Variants in EXD3 observed in about 807,000 individuals in gnomAD.
EXD3 encodes the protein exonuclease mut-7 homolog.
Under a neutral mutation model 98.0 loss-of-function variants are expected in EXD3, and 92 were observed. The ratio of observed to expected loss-of-function variants is 0.94; its 90% CI spans 0.79 to 1.12. The LOEUF is 1.12. Ranked by LOEUF, EXD3 falls within the 50% of genes most tolerant of loss-of-function variation. EXD3 has a pLI of 0.00. For synonymous variants in EXD3, 569 were observed against 526.0 expected, an observed-to-expected ratio of 1.08 and a Z score of -1.12; for missense variants, 1,222 against 1,191.6, an observed-to-expected ratio of 1.03 and a Z score of -0.38.
In EXD3 at chr9:137,407,750, G is replaced by C. The variant is rs1020313035; in HGVS notation, c.-47-12346C>G. ...CCAGCTGGAGTGGGAGAAGTGCCCA[G>C]TGCTTCCGTCACTGGAGCCCACGGG... On this transcript the variant is annotated intron_variant, in intron 1 of 21. Coordinates refer to ENST00000340951, the MANE Select transcript of EXD3 (RefSeq NM_017820.5). The surrounding 1 kb of genome is among the most constrained non-coding windows in gnomAD (Gnocchi z 4.4). Among the ~76,000 whole-genome samples the C allele has an allele frequency of 1.3e-5, 2 of 152,174 alleles. No homozygotes were observed. The highest frequency in any genetic ancestry group is 2.9e-5 in the Non-Finnish European group (2 of 68,024).
intron 2 of EXD3, among the ~76,000 whole-genome samples, chr9:137,394,725 C>T (rs969605836): frequency 4.6e-5 from 7 of 152,318 alleles, no homozygotes; most frequent in Middle Eastern, 3.4e-3. Flanking sequence ...GCGGCCTCCC[C>T]GGCTTTGCCC....
At chr9:137,400,515 C>T (rs993423601) in intron 1 of EXD3, among the ~76,000 whole-genome samples, 1 of 152,168 alleles carries the variant, frequency 6.6e-6, no homozygotes, top group African/African-American at 2.4e-5. Context: ...CTTATAATCC[C>T]AGCACTTTGG....
chr9:137,332,519 G>A (rs1175579781), intron 17 of EXD3, among the ~76,000 whole-genome samples: 1 of 151,056 alleles, frequency 6.6e-6, no homozygotes, highest in East Asian at 1.9e-4. Context: ...CCTGGGAGGC[G>A]GAGGTTCCAG....
chr9:137,385,813 C>T lies in EXD3; in HGVS notation c.56-2436G>A, dbSNP rs888977404. Among the ~76,000 whole-genome samples the T allele has an allele frequency of 6.6e-5, 10 of 152,022 alleles. No homozygotes were observed. The highest frequency in any genetic ancestry group is 9.7e-5 in the African/African-American group (4 of 41,404). On this transcript the variant is annotated intron_variant, in intron 2 of 21. Transcript: ENST00000340951. This position sits in a 1 kb window ranked among gnomAD's most constrained non-coding sequence, Gnocchi z 4.4. ...CCTCCCAAAGTGCTGGGATGACAGG[C>T]GTGAGCCACCGCGCCCAGCCCAGAT... is the stretch of plus-strand genomic sequence containing the variant.
At chr9:137,327,424 C>G (rs549168076) in intron 17 of EXD3, among the ~76,000 whole-genome samples, 1 of 152,106 alleles carries the variant, frequency 6.6e-6, no homozygotes, top group Admixed American at 6.5e-5. Context: ...TGAGCCACCG[C>G]GCCCGGCCAG....
At position 137,324,253 on chromosome 9, in the gene EXD3, C is replaced by T. The variant is rs1434712846; in HGVS notation, c.1999-110G>A. 2.4e-5 allele frequency: 22 copies of T among 923,448 alleles called. No individual in the cohort carries two copies. Among genetic ancestry groups the T allele is most frequent in the Middle Eastern group, 2.9e-4 (1 of 3,460 alleles). 57.2% of individuals were successfully genotyped at this position (923,448 alleles called of 1,614,324 possible). A position where few individuals can be genotyped will look rare whatever the true frequency, so the allele number is the denominator to read the frequency against. ...CCCGGATCGTGGCCCTGCCCCAGGC[C>T]CCTTTTGTCCTCCAGGGTGGCCTCT... On this transcript the variant is annotated intron_variant, in intron 17 of 21. Transcript: ENST00000340951. This position sits in a 1 kb window ranked among gnomAD's most constrained non-coding sequence, Gnocchi z 4.1.
rs2131678697 is a variant in EXD3, at chr9:137,371,981, G to A, written c.462+924C>T. On this transcript the variant is annotated intron_variant, in intron 5 of 21. Transcript: ENST00000340951. The surrounding 1 kb of genome is among the most constrained non-coding windows in gnomAD (Gnocchi z 8.0). ...CCACACAAACCCAAGTCACAGCTTG[G>A]CCAGGCTCAGGACGACGGGGCTGTG... is the stretch of plus-strand genomic sequence containing the variant. 6.6e-6 allele frequency among the ~76,000 whole-genome samples: 1 copy of A among 152,244 alleles called. No homozygotes were observed. Among genetic ancestry groups the A allele is most frequent in the East Asian group, 1.9e-4 (1 of 5,170 alleles).
chr9:137,332,569 C>T (rs535445254), intron 17 of EXD3, among the ~76,000 whole-genome samples: 10 of 149,838 alleles, frequency 6.7e-5, no homozygotes, highest in Middle Eastern at 3.5e-3. Context: ...ATTGGCCAGG[C>T]GCAGTGGCTC....
intron 17 of EXD3, among the ~76,000 whole-genome samples, chr9:137,326,940 C>T (rs570377775): frequency 5.3e-5 from 8 of 152,022 alleles, no homozygotes; most frequent in Non-Finnish European, 1.2e-4. Flanking sequence ...AAAGGAAGGA[C>T]GTTCCGACAC....
chr9:137,336,195 A>G (rs1403361130), intron 17 of EXD3, among the ~76,000 whole-genome samples: 1 of 152,184 alleles, frequency 6.6e-6, no homozygotes, highest in Non-Finnish European at 1.5e-5. Context: ...GGTACAATAT[A>G]TACCATTTGG....
intron 1 of EXD3, among the ~76,000 whole-genome samples, chr9:137,419,992 T>C (rs985955549): frequency 2.0e-5 from 3 of 151,968 alleles, no homozygotes; most frequent in South Asian, 2.1e-4. Flanking sequence ...ACCCCATCTC[T>C]ACTAAAAATA....
At chr9:137,396,784 C>T (rs747184614) in intron 1 of EXD3, among the ~76,000 whole-genome samples, 22 of 152,250 alleles carry the variant, frequency 1.4e-4, no homozygotes, top group East Asian at 3.8e-4. Context: ...CCTGCTCCAC[C>T]GTCGGGGAGG....
In EXD3 at chr9:137,373,594, C is replaced by T. The variant is rs7389250; in HGVS notation, c.126G>A (p.Arg42=). ...LWSTRERKQL[R]EEAWRGFAAL... is the part of the protein sequence containing the mutation. ...CAGCAAACCCCCGCCAGGCTTCCTC[C>T]CGGAGCTGTGGAGACACAAAACCAC... Residue 42 remains arginine, a synonymous_variant, in exon 4 of 22, where the codon CGG becomes CGA. Transcript: ENST00000340951. 0.068 allele frequency: 109,435 copies of T among 1,598,338 alleles called. 4,131 individuals carry two copies. Among genetic ancestry groups the T allele is most frequent in the Middle Eastern group, 0.16 (985 of 6,040 alleles).
intron 2 of EXD3, among the ~76,000 whole-genome samples, chr9:137,391,585 C>A (rs146883454): frequency 0.016 from 2,481 of 150,536 alleles, 37 homozygotes; most frequent in Admixed American, 0.041. Context: ...CACCGCCCGC[C>A]GGCCCTGGTG....
intron 2 of EXD3, among the ~76,000 whole-genome samples, chr9:137,386,078 T>C (rs1339389699): frequency 6.6e-6 from 1 of 152,062 alleles, no homozygotes; most frequent in Non-Finnish European, 1.5e-5. Context: ...GGTGGGTCGC[T>C]TGAGCCCTGG....
chr9:137,312,573 C>T (rs560462840), intron 19 of EXD3, among the ~76,000 whole-genome samples: 1 of 152,286 alleles, frequency 6.6e-6, no homozygotes, highest in South Asian at 2.1e-4. Flanking sequence ...TGAGTGGACG[C>T]CCACCCTCCA....
At chr9:137,408,937 C>T (rs748379020) in intron 1 of EXD3, among the ~76,000 whole-genome samples, 3 of 152,198 alleles carry the variant, frequency 2.0e-5, no homozygotes, top group Non-Finnish European at 4.4e-5. Flanking sequence ...TTGTACAAGG[C>T]CCCGATGGCA....
chr9:137,391,390 A>C (rs1449252073), intron 2 of EXD3, among the ~76,000 whole-genome samples: 1 of 152,080 alleles, frequency 6.6e-6, no homozygotes, highest in Non-Finnish European at 1.5e-5. Flanking sequence ...GCACCTCAGC[A>C]GGCCCAAGCT....
At chr9:137,356,454 G>A (rs1834796092) in intron 7 of EXD3, 86 bp from the exon 8 acceptor site, 4 of 912,584 alleles carry the variant, frequency 4.4e-6, no homozygotes, top group Admixed American at 4.2e-5. Context: ...TCATATGCAT[G>A]CATAGTTTAA....
Sources: gnomAD v4.1 joint callset for allele counts (sites outside exome capture counted in the v4.1 genomes callset) on GRCh38, gnomAD v4.1.1 for gene constraint, Gnocchi (gnomAD v3.1) non-coding constraint, MANE v1.5 for transcripts, NCBI Gene and HGNC (gene_info 2026-07-23, HGNC 2026-07-21) for gene names.